Variants in FGF14 observed in about 807,000 individuals in gnomAD.
FGF14 encodes fibroblast growth factor 14.
FGF14 carries 5 observed loss-of-function variants against 25.5 expected under a neutral mutation model. The ratio of observed to expected loss-of-function variants is 0.20; its 90% CI spans 0.10 to 0.41. The LOEUF (loss-of-function observed/expected upper bound fraction) is 0.41. FGF14 is among the 10% of genes least tolerant of loss of function. The pLI is 1.00. For synonymous variants in FGF14, 138 were observed against 118.3 expected, an observed-to-expected ratio of 1.17 and a Z score of -1.08; for missense variants, 222 against 320.1, an observed-to-expected ratio of 0.69 and a Z score of 2.34.
chr13:102,119,084 T>C (rs1003120979), intron 1 of FGF14, among the ~76,000 whole-genome samples: 6 of 152,186 alleles, frequency 3.9e-5, no homozygotes, highest in African/African-American at 1.2e-4. Context: ...AACATCAACT[T>C]GAGTATCAAT....
At chr13:102,264,809 G>A (rs554602281) in intron 1 of FGF14, among the ~76,000 whole-genome samples, 1 of 152,188 alleles carries the variant, frequency 6.6e-6, no homozygotes, top group Non-Finnish European at 1.5e-5. Context: ...TGACTGTCAG[G>A]AGGAGGGTAT....
Position 102,262,672 on chromosome 13 carries a change from G to A in FGF14, c.208+138799C>T, listed in dbSNP as rs370254187. 7.2e-5 allele frequency among the ~76,000 whole-genome samples: 11 copies of A among 152,206 alleles called. No homozygotes were observed. The East Asian group carries it at 9.7e-4, about 13-fold the overall frequency. ...AAATTTAGCACCCACTAACAGGTAA[G>A]CATTATGTTAGGCAGTGGATTCTCA... On this transcript the variant is annotated intron_variant, in intron 1 of 4. Coordinates refer to the FGF14 transcript ENST00000376131.
At chr13:102,365,927 A>G (rs901690856) in intron 1 of FGF14, among the ~76,000 whole-genome samples, 3 of 152,180 alleles carry the variant, frequency 2.0e-5, no homozygotes, top group Non-Finnish European at 4.4e-5. Context: ...TTCCAACAAT[A>G]ATATGTTGTT....
At chr13:102,048,018 T>G (rs1040541620) in intron 1 of FGF14, among the ~76,000 whole-genome samples, 2 of 142,918 alleles carry the variant, frequency 1.4e-5, no homozygotes, top group African/African-American at 5.1e-5. Flanking sequence ...CTTAGTTGTT[T>G]AAAAAAAAAA....
intron 1 of FGF14, among the ~76,000 whole-genome samples, chr13:101,933,645 A>T (rs2034909872): frequency 6.6e-6 from 1 of 152,182 alleles, no homozygotes. Flanking sequence ...AATCACTTAA[A>T]TCTGGGAGGC....
intron 1 of FGF14, among the ~76,000 whole-genome samples, chr13:101,902,433 T>C (rs972546089): frequency 5.9e-5 from 9 of 152,316 alleles, no homozygotes; most frequent in Admixed American, 2.0e-4. Context: ...GTGTGTGTTA[T>C]ATAGTTTCTT....
At chr13:101,921,931 C>CTACA (rs2034033524), upstream of FGF14, among the ~76,000 whole-genome samples, 2 of 152,174 alleles carry the variant, frequency 1.3e-5, no homozygotes, top group African/African-American at 4.8e-5. Context: ...CTTTATGGTT[C>CTACA]TACATAGCAC....
intron 1 of FGF14, among the ~76,000 whole-genome samples, chr13:102,316,189 T>C (rs1477900590): frequency 6.6e-6 from 1 of 152,190 alleles, no homozygotes; most frequent in Non-Finnish European, 1.5e-5. Flanking sequence ...AAAATTTAAC[T>C]TTCTCAAATC....
intron 1 of FGF14, among the ~76,000 whole-genome samples, chr13:102,065,444 T>C (rs1303832853): frequency 6.6e-6 from 1 of 152,118 alleles, no homozygotes; most frequent in African/African-American, 2.4e-5. Flanking sequence ...CTCCAAGATA[T>C]TTCTGGTACA....
chr13:102,372,760 G>A (rs193096049), intron 1 of FGF14, among the ~76,000 whole-genome samples: 247 of 152,086 alleles, frequency 1.6e-3, no homozygotes, highest in Middle Eastern at 6.8e-3. Flanking sequence ...AAAATGTATC[G>A]TCATTGTAGT....
At chr13:101,866,318 A>G (rs564223733) in intron 3 of FGF14, among the ~76,000 whole-genome samples, 3 of 152,232 alleles carry the variant, frequency 2.0e-5, no homozygotes, top group Non-Finnish European at 4.4e-5. Flanking sequence ...TTATGAAAAA[A>G]TGTCTGGCAC....
At chr13:101,825,708 A>C (rs2042364319) in intron 3 of FGF14, among the ~76,000 whole-genome samples, 1 of 152,150 alleles carries the variant, frequency 6.6e-6, no homozygotes, top group Admixed American at 6.5e-5. Context: ...ATATTTATCC[A>C]TTATTTACAA....
chr13:101,988,003 T>C (rs899586396), intron 1 of FGF14, among the ~76,000 whole-genome samples: 5 of 152,036 alleles, frequency 3.3e-5, no homozygotes, highest in South Asian at 2.1e-4. Flanking sequence ...ATGAAATACA[T>C]AGAAAAATAA....
At chr13:101,824,768 T>C (rs766291397) in intron 3 of FGF14, among the ~76,000 whole-genome samples, 1 of 152,156 alleles carries the variant, frequency 6.6e-6, no homozygotes, top group Non-Finnish European at 1.5e-5. Flanking sequence ...TCGGCCTCAT[T>C]CCTAACCTCC....
chr13:102,332,509 G>T (rs922672552), intron 1 of FGF14, among the ~76,000 whole-genome samples: 28 of 152,070 alleles, frequency 1.8e-4, no homozygotes, highest in African/African-American at 5.8e-4. Flanking sequence ...GATCCCTTCT[G>T]CCATGTTTGT....
At chr13:101,945,583 C>T (rs2035750549) in intron 1 of FGF14, among the ~76,000 whole-genome samples, 1 of 152,146 alleles carries the variant, frequency 6.6e-6, no homozygotes, top group South Asian at 2.1e-4. Context: ...GATAAAGCAA[C>T]TCTTGTGTCT....
intron 1 of FGF14, among the ~76,000 whole-genome samples, chr13:102,305,274 C>A (rs1439570922): frequency 6.6e-6 from 1 of 151,894 alleles, no homozygotes; most frequent in Non-Finnish European, 1.5e-5. Context: ...TGTAAAATAG[C>A]ACAAATAGCC....
At chr13:102,067,732 G>C (rs1481743634) in intron 1 of FGF14, among the ~76,000 whole-genome samples, 1 of 151,092 alleles carries the variant, frequency 6.6e-6, no homozygotes. Flanking sequence ...GATTAGGGTG[G>C]AGAGTTTATT....
intron 1 of FGF14, among the ~76,000 whole-genome samples, chr13:102,309,331 C>G (rs923608078): frequency 6.6e-6 from 1 of 152,194 alleles, no homozygotes; most frequent in African/African-American, 2.4e-5. Flanking sequence ...AAAGGAGTTT[C>G]TGGAACTTCT....
Sources: allele counts gnomAD v4.1 joint callset (sites outside exome capture counted in the v4.1 genomes callset), GRCh38; gene constraint gnomAD v4.1.1; transcripts MANE v1.5; gene names NCBI Gene and HGNC (gene_info 2026-07-23, HGNC 2026-07-21).